The following TMEM178B variants were observed in gnomAD, a reference collection of about 807,000 sequenced individuals.
The protein encoded by TMEM178B is transmembrane protein 178B.
Under a neutral mutation model 31.0 loss-of-function variants are expected in TMEM178B, and 5 were observed. The ratio of observed to expected loss-of-function variants is 0.16; its 90% CI spans 0.08 to 0.34. TMEM178B has a LOEUF of 0.34. Ranked by LOEUF, TMEM178B falls within the 10% of genes least tolerant of loss-of-function variation. TMEM178B has a pLI of 1.00. For synonymous variants in TMEM178B, 164 were observed against 164.0 expected, an observed-to-expected ratio of 1.00 and a Z score of 0.00; for missense variants, 275 against 400.3, an observed-to-expected ratio of 0.69 and a Z score of 2.67.
chr7:141,299,046 A>G (rs1450917184), intron 2 of TMEM178B, among the ~76,000 whole-genome samples: 3 of 152,074 alleles, frequency 2.0e-5, no homozygotes, highest in Non-Finnish European at 4.4e-5. Flanking sequence ...TGAGAGAGAG[A>G]TGTCACTGGA....
chr7:141,355,087 C>A (rs1799795539), intron 2 of TMEM178B, among the ~76,000 whole-genome samples: 1 of 152,198 alleles, frequency 6.6e-6, no homozygotes, highest in Non-Finnish European at 1.5e-5. Context: ...AGGCTCTCTG[C>A]TGCTGTGATG....
At chr7:141,405,949 C>A (rs975898045) in intron 2 of TMEM178B, among the ~76,000 whole-genome samples, 1 of 152,140 alleles carries the variant, frequency 6.6e-6, no homozygotes, top group Admixed American at 6.5e-5. Flanking sequence ...AAAATGGAAG[C>A]CCATTGCTAC....
chr7:141,326,688 A>G (rs1430163409), intron 2 of TMEM178B, among the ~76,000 whole-genome samples: 1 of 152,210 alleles, frequency 6.6e-6, no homozygotes, highest in African/African-American at 2.4e-5. Flanking sequence ...TTGTACTACA[A>G]AAGCAGTGTT....
chr7:141,308,063 G>A (rs1409031893), intron 2 of TMEM178B, among the ~76,000 whole-genome samples: 1 of 152,190 alleles, frequency 6.6e-6, no homozygotes, highest in African/African-American at 2.4e-5. Context: ...ACATTCTGTG[G>A]TAGAGATTTG....
intron 3 of TMEM178B, among the ~76,000 whole-genome samples, chr7:141,441,551 G>A (rs1801659444): frequency 6.6e-6 from 1 of 152,226 alleles, no homozygotes; most frequent in Non-Finnish European, 1.5e-5. Flanking sequence ...TTAAAATGGG[G>A]CTACAAGTGA....
At chr7:141,134,297 A>AG (rs911161561) in intron 1 of TMEM178B, among the ~76,000 whole-genome samples, 4 of 152,116 alleles carry the variant, frequency 2.6e-5, no homozygotes, top group Admixed American at 2.0e-4. Flanking sequence ...ATGTGCAGAA[A>AG]GGGGGGAAAA....
intron 2 of TMEM178B, among the ~76,000 whole-genome samples, chr7:141,245,345 G>A (rs60281751): frequency 6.6e-6 from 1 of 151,992 alleles, no homozygotes; most frequent in Non-Finnish European, 1.5e-5. Flanking sequence ...GCCAGAAGCA[G>A]AACCCAGGCT....
Position 141,369,521 on chromosome 7 carries a change from C to T in TMEM178B, c.497-68087C>T, listed in dbSNP as rs776994329. ...AAAATGGCTGGCCTCCTGTGTGCTT[C>T]CTTGTTTGTATGTCTGAGCAAAGTG... On this transcript the variant is annotated intron_variant, in intron 2 of 3. Transcript: ENST00000565468. 1.3e-4 allele frequency among the ~76,000 whole-genome samples: 20 copies of T among 152,214 alleles called. 1 individual carries two copies. The South Asian group carries it at 2.1e-3, about 16-fold the overall frequency.
intron 2 of TMEM178B, among the ~76,000 whole-genome samples, chr7:141,345,997 GCTGAGGCGGGCGGATCACGAGAGA>G (rs2116519702): frequency 6.6e-6 from 1 of 152,228 alleles, no homozygotes; most frequent in Admixed American, 6.5e-5. Context: ...ACTTTGGGAG[GCTGAGGCGGGCGGATCACGAGAGA>G]CCATCCTGGC....
chr7:141,256,480 C>G (rs1797930226), intron 2 of TMEM178B, among the ~76,000 whole-genome samples: 1 of 152,112 alleles, frequency 6.6e-6, no homozygotes, highest in South Asian at 2.1e-4. Flanking sequence ...ACCAGAGTGG[C>G]TGGAGCGCAG....
At chr7:141,420,325 A>G (rs1801181148) in intron 2 of TMEM178B, among the ~76,000 whole-genome samples, 1 of 152,222 alleles carries the variant, frequency 6.6e-6, no homozygotes, top group Non-Finnish European at 1.5e-5. Flanking sequence ...GCTGCTTGAG[A>G]AACATGCATT....
chr7:141,138,286 C>T (rs1795709789), intron 1 of TMEM178B, among the ~76,000 whole-genome samples: 1 of 152,076 alleles, frequency 6.6e-6, no homozygotes, highest in South Asian at 2.1e-4. Flanking sequence ...TGGTCTCGAT[C>T]TCCTGACCTC....
chr7:141,271,807 T>C (rs978041613), intron 2 of TMEM178B, among the ~76,000 whole-genome samples: 1 of 152,218 alleles, frequency 6.6e-6, no homozygotes, highest in Non-Finnish European at 1.5e-5. Flanking sequence ...CTATTCTCCA[T>C]GACAATCCTG....
intron 1 of TMEM178B, among the ~76,000 whole-genome samples, chr7:141,075,704 C>A (rs1362726356): frequency 6.6e-6 from 1 of 152,098 alleles, no homozygotes; most frequent in Non-Finnish European, 1.5e-5. Flanking sequence ...GGTTTTTTTC[C>A]CCTTGTGTTT....
chr7:141,139,953 A>G (rs1190126532), intron 1 of TMEM178B, among the ~76,000 whole-genome samples: 2 of 151,964 alleles, frequency 1.3e-5, no homozygotes, highest in Non-Finnish European at 2.9e-5. Flanking sequence ...TTTAGTAGAG[A>G]CAGAGTTTCA....
At chr7:141,340,185 C>A (rs1343765140) in intron 2 of TMEM178B, among the ~76,000 whole-genome samples, 4 of 152,186 alleles carry the variant, frequency 2.6e-5, no homozygotes, top group Non-Finnish European at 5.9e-5. Flanking sequence ...TTTCTTGAAA[C>A]TGGAAAAGGC....
intron 3 of TMEM178B, among the ~76,000 whole-genome samples, chr7:141,468,705 C>T (rs1277878685): frequency 6.6e-6 from 1 of 152,032 alleles, no homozygotes; most frequent in Non-Finnish European, 1.5e-5. Context: ...CCAGGGAACT[C>T]GAGGACACAG....
At chr7:141,154,832 C>T (rs1392487711) in intron 1 of TMEM178B, among the ~76,000 whole-genome samples, 1 of 151,646 alleles carries the variant, frequency 6.6e-6, no homozygotes, top group Non-Finnish European at 1.5e-5. Context: ...CAGGTTCAAA[C>T]GATTCTCCTG....
the TMEM178B span, among the ~76,000 whole-genome samples, chr7:141,491,013 C>T: frequency 3.3e-5 from 5 of 152,184 alleles, no homozygotes; most frequent in African/African-American, 1.2e-4. Context: ...AAAACTCATA[C>T]TCTTTTTTAT....
Sources: allele counts gnomAD v4.1 joint callset (sites outside exome capture counted in the v4.1 genomes callset), GRCh38; gene constraint gnomAD v4.1.1; transcripts MANE v1.5; gene names NCBI Gene and HGNC (gene_info 2026-07-23, HGNC 2026-07-21).